SLC25A44: variants seen among roughly 807,000 people sequenced by gnomAD.
SLC25A44 encodes the protein solute carrier family 25, member 44.
In SLC25A44, 17 loss-of-function variants were observed where a neutral mutation model predicts 29.9. The observed-to-expected ratio is 0.57, with a 90% confidence interval of 0.39 to 0.85. SLC25A44 has a LOEUF of 0.85. Ranked by LOEUF, SLC25A44 falls within the 40% of genes least tolerant of loss-of-function variation. The pLI, the probability that SLC25A44 is intolerant of heterozygous loss-of-function variation, is 0.00. For synonymous variants in SLC25A44, 140 were observed against 151.8 expected (o/e 0.92, Z 0.57); for missense variants, 302 against 398.4 (o/e 0.76, Z 2.06).
chr1:156,195,190 G>A (rs1435785817), intron 1 of SLC25A44, among the ~76,000 whole-genome samples: 1 of 150,358 alleles, frequency 6.7e-6, no homozygotes, highest in African/African-American at 2.5e-5. Flanking sequence ...TGCAAGCTCC[G>A]CCTTCCGGGT....
intron 1 of SLC25A44, chr1:156,197,231 C>T (rs1237072880): frequency 2.0e-5 from 3 of 152,188 alleles, no homozygotes; most frequent in Admixed American, 2.0e-4. Context: ...AGAATATTGC[C>T]CCACAGGGCT....
chr1:156,204,011 T>C (rs1656768529), intron 2 of SLC25A44, among the ~76,000 whole-genome samples: 1 of 131,632 alleles, frequency 7.6e-6, no homozygotes, highest in African/African-American at 2.8e-5. Flanking sequence ...GCCCTTCTTC[T>C]TTTTTTTTTT....
In SLC25A44 at chr1:156,212,276, T is replaced by G. The variant is rs1039261695; in HGVS notation, c.*1845T>G. The G allele has an allele frequency of 6.6e-6, 1 of 152,272 alleles. No homozygotes were observed. The highest frequency in any genetic ancestry group is 1.5e-5 in the Non-Finnish European group (1 of 68,014). 9.4% of individuals were successfully genotyped at this position (152,272 alleles called of 1,614,324 possible). Reference sequence around the variant, plus strand: ...CTCTAGAGACCCTAGAGACTCGACTTTAGTCCTTCCCCGCCATGGCACAGT... The same window carrying G: ...CTCTAGAGACCCTAGAGACTCGACTGTAGTCCTTCCCCGCCATGGCACAGT... On this transcript the variant is annotated 3_prime_UTR_variant, in exon 4 of 4. Transcript: ENST00000359511.
chr1:156,194,882 T>G (rs1401124714), intron 1 of SLC25A44, among the ~76,000 whole-genome samples: 1 of 152,126 alleles, frequency 6.6e-6, no homozygotes, highest in Non-Finnish European at 1.5e-5. Flanking sequence ...GATCTGATTA[T>G]TATAAAAGTT....
chr1:156,202,908 A>G (rs1441066964), intron 2 of SLC25A44, among the ~76,000 whole-genome samples: 1 of 152,190 alleles, frequency 6.6e-6, no homozygotes, highest in Non-Finnish European at 1.5e-5. Flanking sequence ...TCTGTTCACT[A>G]TTGTACCTCC....
At position 156,200,384 on chromosome 1, in the gene SLC25A44, T is replaced by C; in HGVS notation, c.537T>C (p.Leu179=). ...IIRQILQADG[L]RGFYRGYVAS... ...GGCAGATCCTGCAGGCTGATGGACTTCGCGGCTTCTATCGAGGCTATGTGG... is the reference window on the plus strand; with the variant it reads ...GGCAGATCCTGCAGGCTGATGGACTCCGCGGCTTCTATCGAGGCTATGTGG... The change falls in exon 2 of 4, where the codon CTT becomes CTC. Residue 179 remains leucine (L), a synonymous_variant. Coordinates refer to ENST00000359511, the MANE Select transcript of SLC25A44 (RefSeq NM_014655.4). The C allele has an allele frequency of 4.3e-6, 7 of 1,614,066 alleles. No homozygotes were observed. Among genetic ancestry groups the C allele is most frequent in the Non-Finnish European group, 5.9e-6 (7 of 1,180,018 alleles).
intron 2 of SLC25A44, among the ~76,000 whole-genome samples, chr1:156,204,581 G>A (rs1234127621): frequency 6.6e-6 from 1 of 152,032 alleles, no homozygotes; most frequent in Non-Finnish European, 1.5e-5. Flanking sequence ...TCACCTCCCA[G>A]GTTCAAGCAA....
intron 3 of SLC25A44, 77 bp downstream of exon 3, chr1:156,208,090 C>T: frequency 7.5e-7 from 1 of 1,334,274 alleles, no homozygotes; most frequent in Non-Finnish European, 1.1e-6. Flanking sequence ...CCAGTGTTGC[C>T]CTGACCTCTT....
intron 2 of SLC25A44, among the ~76,000 whole-genome samples, chr1:156,207,459 G>A (rs1411463712): frequency 2.6e-5 from 4 of 151,270 alleles, no homozygotes; most frequent in South Asian, 2.1e-4. Context: ...GATTACAGGC[G>A]TGAGCCGCCG....
chr1:156,207,941 C>G lies in SLC25A44; in HGVS notation c.681C>G (p.Val227=), dbSNP rs901710500. ...KECPHIVFQA[V]SGPLAAATAS... is the part of the protein sequence containing the mutation. ...GCCCTCACATTGTCTTTCAAGCTGTCTCGGGGCCCCTGGCTGCAGCCACTG... is the reference window on the plus strand; with the variant it reads ...GCCCTCACATTGTCTTTCAAGCTGTGTCGGGGCCCCTGGCTGCAGCCACTG... Residue 227 remains valine (V), a synonymous_variant, in exon 3 of 4, where the codon GTC becomes GTG. Coordinates refer to ENST00000359511, the MANE Select transcript of SLC25A44 (RefSeq NM_014655.4). The G allele has an allele frequency of 1.2e-6, 2 of 1,613,994 alleles. No individual in the cohort carries two copies. Among genetic ancestry groups the G allele is most frequent in the Admixed American group, 1.7e-5 (1 of 60,006 alleles).
intron 2 of SLC25A44, among the ~76,000 whole-genome samples, chr1:156,205,442 T>TA (rs1341301636): frequency 2.6e-5 from 4 of 152,168 alleles, no homozygotes; most frequent in Non-Finnish European, 4.4e-5. Flanking sequence ...CCCTTACTCA[T>TA]ACTGCTCCAG....
chr1:156,195,497 C>T (rs1449372708), intron 1 of SLC25A44, among the ~76,000 whole-genome samples: 2 of 152,162 alleles, frequency 1.3e-5, no homozygotes, highest in East Asian at 1.9e-4. Flanking sequence ...CCGCAGGGGG[C>T]GTTAATAACA....
Position 156,200,122 on chromosome 1 carries a change from C to T in SLC25A44, c.275C>T (p.Thr92Ile). 1 of 1,614,200 alleles carries T rather than the reference C, an allele frequency of 6.2e-7. No homozygotes were observed. Among genetic ancestry groups the T allele is most frequent in the Non-Finnish European group, 8.5e-7 (1 of 1,180,030 alleles). Residue 92 changes from threonine (T) to isoleucine (I), a missense_variant, in exon 2 of 4, where the codon ACC becomes ATC. Coordinates refer to ENST00000359511, the MANE Select transcript of SLC25A44 (RefSeq NM_014655.4). ...FTLISGQCYV[T>I]TYELTRKFVA... ...CTCATCTCTGGCCAGTGTTATGTCA[C>T]CACTTATGAGCTCACCCGGAAGTTT...
chr1:156,208,092 T>G, intron 3 of SLC25A44, 79 bp downstream of exon 3: 1 of 1,279,010 alleles, frequency 7.8e-7, no homozygotes, highest in Non-Finnish European at 1.1e-6. Flanking sequence ...AGTGTTGCCC[T>G]GACCTCTTTG....
intron 2 of SLC25A44, among the ~76,000 whole-genome samples, chr1:156,205,324 G>A (rs1192426530): frequency 1.3e-5 from 2 of 152,166 alleles, no homozygotes; most frequent in Admixed American, 6.5e-5. Context: ...TTACAGGCGT[G>A]AGCCACCACG....
In SLC25A44 at chr1:156,201,659, TTTTTTCTTTCTTCTTCCTTC is replaced by T. The variant is rs1304143566; in HGVS notation, c.625+1196_625+1215del. Among the ~76,000 whole-genome samples the T allele has an allele frequency of 4.1e-3, 625 of 152,144 alleles. 2 individuals carry two copies. The highest frequency in any genetic ancestry group is 0.014 in the African/African-American group (597 of 41,426). ...CTCTTCTTCTTTTGTTTCTTCTTCC[TTTTTTCTTTCTTCTTCCTTC>T]TTTTTCTTCTTTCTTCTTCTTTTTT... On this transcript the variant is annotated intron_variant, in intron 2 of 3. Transcript: ENST00000359511.
At chr1:156,196,553 G>A (rs1656223378) in intron 1 of SLC25A44, 1 of 152,250 alleles carries the variant, frequency 6.6e-6, no homozygotes, top group Non-Finnish European at 1.5e-5. Flanking sequence ...CATGAAACCA[G>A]GTCCTGGAAC....
intron 1 of SLC25A44, 148 bp from the exon 2 acceptor site, chr1:156,199,687 A>C: frequency 3.1e-6 from 2 of 641,430 alleles, no homozygotes; most frequent in Non-Finnish European, 5.4e-6. Flanking sequence ...GGGGATTGAC[A>C]GAGCCAGATT....
Position 156,212,498 on chromosome 1 carries a change from GC to G in SLC25A44, c.*2070del, listed in dbSNP as rs1657401247. 1 of 155,720 alleles carries G rather than the reference GC, an allele frequency of 6.4e-6. No individual in the cohort carries two copies. The highest frequency in any genetic ancestry group is 1.4e-5 in the Non-Finnish European group (1 of 69,586). 9.6% of individuals were successfully genotyped at this position (155,720 alleles called of 1,614,324 possible). A position where few individuals can be genotyped will look rare whatever the true frequency, so the allele number is the denominator to read the frequency against. On this transcript the variant is annotated 3_prime_UTR_variant, in exon 4 of 4. Transcript: ENST00000359511. ...GTGTGTATAATTAAAAGGACCCTTG[GC>G]CCATACTTTCCTAATTCTTTAGGGA...
Sources: gnomAD v4.1 joint callset for allele counts (sites outside exome capture counted in the v4.1 genomes callset) on GRCh38, gnomAD v4.1.1 for gene constraint, MANE v1.5 for transcripts, NCBI Gene and HGNC (gene_info 2026-07-23, HGNC 2026-07-21) for gene names.